CYP4V2: variants seen among roughly 807,000 people sequenced by gnomAD.
CYP4V2 encodes cytochrome P450 family 4 subfamily V member 2, also known as cytochrome P450 4V2.
CYP4V2 carries 55 observed loss-of-function variants against 60.8 expected under a neutral mutation model. The observed-to-expected ratio is 0.90, with a 90% CI of 0.73 to 1.13. CYP4V2 has a LOEUF of 1.13. Ranked by LOEUF, CYP4V2 falls within the 50% of genes most tolerant of loss-of-function variation. The probability of loss-of-function intolerance (pLI) is 0.00; values close to 1 mark genes in which losing one functional copy is unlikely to be tolerated. For synonymous variants in CYP4V2, 239 were observed against 236.8 expected, an observed-to-expected ratio of 1.01 and a Z score of -0.08; for missense variants, 675 against 662.9, an observed-to-expected ratio of 1.02 and a Z score of -0.20.
chr4:186,205,071 A>C, intron 7 of CYP4V2, 129 bp from the exon 8 acceptor site: 2 of 880,304 alleles, frequency 2.3e-6, no homozygotes, highest in Non-Finnish European at 1.9e-6. Flanking sequence ...GCTGCACAGA[A>C]TTCATTTCTT....
Position 186,197,081 on chromosome 4 carries a change from A to T in CYP4V2, c.555A>T (p.Ala185=), listed in dbSNP as rs11932764. The change falls in exon 4 of 11, where the codon GCA becomes GCT. Residue 185 remains alanine (A), a synonymous_variant. Transcript: ENST00000378802. ...TTGAAAAACACATTAACCAAGAAGC[A>T]TTTAACTGCTTTTTTTACATCACTC... ...KKLEKHINQE[A]FNCFFYITLC... The T allele has an allele frequency of 8.5e-3, 13,696 of 1,613,896 alleles. 881 individuals carry two copies. The African/African-American group carries it at 0.15, about 18-fold the overall frequency.
rs1484655576 is a variant in CYP4V2, at chr4:186,212,665, T to C, written c.*2024T>C. ...GAAGGACCTTAGAACTTATCTGTTATGCTCCTGATAGCCAATAGCAGATAG... is the reference window on the plus strand; with the variant it reads ...GAAGGACCTTAGAACTTATCTGTTACGCTCCTGATAGCCAATAGCAGATAG... On this transcript the variant is annotated 3_prime_UTR_variant, in exon 11 of 11. Coordinates refer to ENST00000378802, the MANE Select transcript of CYP4V2 (RefSeq NM_207352.4). 1 of 152,250 alleles carries C rather than the reference T, an allele frequency of 6.6e-6. No individual in the cohort carries two copies. The highest frequency in any genetic ancestry group is 2.4e-5 in the African/African-American group (1 of 41,454). The allele number at this position is 152,250 out of a possible 1,614,324, so 9.4% of individuals were successfully genotyped here.
In CYP4V2 at chr4:186,201,306, A is replaced by C. The variant is rs144129557; in HGVS notation, c.951A>C (p.Glu317Asp). ...TDDEGNRLSH[E>D]DIREEVDTFM... is the part of the protein sequence containing the mutation. Reference sequence around the variant, plus strand: ...ACGAAGGGAACAGGCTAAGTCATGAAGATATTCGAGAAGAAGTTGACACCT... The same window carrying C: ...ACGAAGGGAACAGGCTAAGTCATGACGATATTCGAGAAGAAGTTGACACCT... Residue 317 changes from glutamate to aspartate, a missense_variant, in exon 7 of 11, where the codon GAA becomes GAC. Coordinates refer to ENST00000378802, the MANE Select transcript of CYP4V2 (RefSeq NM_207352.4). 174 of 1,614,218 alleles carry C rather than the reference A, an allele frequency of 1.1e-4. No individual in the cohort carries two copies. In the African/African-American group the frequency reaches 2.0e-3, roughly 19 times the overall value.
rs1736674554 is a variant in CYP4V2 at position 186,210,451 on chromosome 4, A to G, written c.1406-18A>G. 2 of 1,613,998 alleles carry G rather than the reference A, an allele frequency of 1.2e-6. No homozygotes were observed. Among genetic ancestry groups the G allele is most frequent in the African/African-American group, 2.7e-5 (2 of 74,936 alleles). ...GTAAATCTATAACTAAAGCGATGGT[A>G]TCTACATTAATTTGAAGGTCAAAAG... is the stretch of plus-strand genomic sequence containing the variant. On this transcript the variant is annotated intron_variant, in intron 10 of 10. Transcript: ENST00000378802.
chr4:186,210,458 T>C lies in CYP4V2; in HGVS notation c.1406-11T>C, dbSNP rs1736675133. On this transcript the variant is annotated splice_polypyrimidine_tract_variant and intron_variant, in intron 10 of 10. Coordinates refer to ENST00000378802, the MANE Select transcript of CYP4V2 (RefSeq NM_207352.4). Reference sequence around the variant, plus strand: ...TATAACTAAAGCGATGGTATCTACATTAATTTGAAGGTCAAAAGTTTGCTG... The same window carrying C: ...TATAACTAAAGCGATGGTATCTACACTAATTTGAAGGTCAAAAGTTTGCTG... 1 of 1,614,166 alleles carries C rather than the reference T, an allele frequency of 6.2e-7. No homozygotes were observed. Among genetic ancestry groups the C allele is most frequent in the Non-Finnish European group, 8.5e-7 (1 of 1,180,012 alleles).
At chr4:186,198,146 G>A (rs926950170) in intron 5 of CYP4V2, among the ~76,000 whole-genome samples, 12 of 152,200 alleles carry the variant, frequency 7.9e-5, no homozygotes, top group Non-Finnish European at 1.6e-4. Flanking sequence ...AGGACTTGAT[G>A]AAGTACAGAG....
At chr4:186,210,128 AAACGGG>A (rs1736659173) in intron 10 of CYP4V2, among the ~76,000 whole-genome samples, 1 of 152,242 alleles carries the variant, frequency 6.6e-6, no homozygotes, top group South Asian at 2.1e-4. Flanking sequence ...GGCCAGAGTG[AAACGGG>A]TGAATCTGAA....
intron 1 of CYP4V2, among the ~76,000 whole-genome samples, chr4:186,194,289 C>T (rs1422152806): frequency 1.3e-5 from 2 of 152,148 alleles, no homozygotes; most frequent in African/African-American, 4.8e-5. Context: ...TGTTTATTTG[C>T]TGTGGCAAAT....
At chr4:186,207,665 C>G (rs6857083) in intron 8 of CYP4V2, among the ~76,000 whole-genome samples, 1 of 150,000 alleles carries the variant, frequency 6.7e-6, no homozygotes, top group Non-Finnish European at 1.5e-5. Flanking sequence ...ATAAAATCTA[C>G]CATTTTAAAA....
At chr4:186,197,634 T>C (rs1736192596) in intron 5 of CYP4V2, 32 bp downstream of exon 5, 1 of 1,603,874 alleles carries the variant, frequency 6.2e-7, no homozygotes, top group Non-Finnish European at 8.5e-7. Flanking sequence ...ATTTTAACAA[T>C]TATTATTGAT....
In CYP4V2 at chr4:186,195,366, T is replaced by C. The variant is rs953145397; in HGVS notation, c.328-637T>C. Among the ~76,000 whole-genome samples, 6 of 152,224 alleles carry C rather than the reference T, an allele frequency of 3.9e-5. No individual in the cohort carries two copies. The highest frequency in any genetic ancestry group is 1.4e-4 in the African/African-American group (6 of 41,454). On this transcript the variant is annotated intron_variant, in intron 2 of 10. Coordinates refer to ENST00000378802, the MANE Select transcript of CYP4V2 (RefSeq NM_207352.4). The surrounding 1 kb of genome is among the most constrained non-coding windows in gnomAD (Gnocchi z 4.1). ...TCTGCCGCTGTTGGCCTAGTGTTAA[T>C]AGAAGTTGGTGTGGTGGATGCAGAT... is the stretch of plus-strand genomic sequence containing the variant.
chr4:186,191,859 G>T lies in CYP4V2; in HGVS notation c.36G>T (p.Lys12Asn). Residue 12 changes from lysine (K) to asparagine (N), a missense_variant, in exon 1 of 11, where the codon AAG (lysine) becomes AAT (asparagine). Lys to Asn is a moderately conservative substitution (Grantham distance 94). Coordinates refer to ENST00000378802, the MANE Select transcript of CYP4V2 (RefSeq NM_207352.4). ...AGLWLGLVWQ[K>N]LLLWGAASAL... ...TCTGGCTGGGGCTCGTGTGGCAGAA[G>T]CTGCTGCTGTGGGGCGCGGCGAGTG... 1 of 1,582,756 alleles carries T rather than the reference G, an allele frequency of 6.3e-7. No homozygotes were observed. Among genetic ancestry groups the T allele is most frequent in the Non-Finnish European group, 8.5e-7 (1 of 1,169,964 alleles).
Position 186,196,016 on chromosome 4 carries a change from G to T in CYP4V2, c.341G>T (p.Ser114Ile). 1 of 1,613,566 alleles carries T rather than the reference G, an allele frequency of 6.2e-7. No homozygotes were observed. The highest frequency in any genetic ancestry group is 1.3e-5 in the African/African-American group (1 of 75,052). Residue 114 changes from serine to isoleucine, a missense_variant, in exon 3 of 11, where the codon AGT becomes ATT. Ser to Ile is a moderately radical substitution (Grantham distance 142). Coordinates refer to ENST00000378802, the MANE Select transcript of CYP4V2 (RefSeq NM_207352.4). ...NAENVEVILT[S>I]SKQIDKSSMY... ...TCTCTTCCTAAGGTAATTTTAACTA[G>T]TTCAAAGCAAATTGACAAATCCTCT... is the stretch of plus-strand genomic sequence containing the variant.
At position 186,196,794 on chromosome 4, in the gene CYP4V2, G is replaced by C. The variant is rs1455773586; in HGVS notation, c.414-146G>C. The C allele has an allele frequency of 4.2e-6, 3 of 711,684 alleles. No homozygotes were observed. The African/African-American group carries it at 5.4e-5, about 13-fold the overall frequency. 44.1% of individuals were successfully genotyped at this position (711,684 alleles called of 1,614,324 possible). A position where few individuals can be genotyped will look rare whatever the true frequency, so the allele number is the denominator to read the frequency against. On this transcript the variant is annotated intron_variant, in intron 3 of 10. Transcript: ENST00000378802. The stretch of plus-strand genomic sequence containing the variant: ...GTATATCTTTGTCATTCTGCCAAAA[G>C]CATTTGAGAACCTGTAGATGAAGCT...
At chr4:186,194,449 G>A in intron 1 of CYP4V2, 51 bp from the exon 2 acceptor site, 2 of 1,481,656 alleles carry the variant, frequency 1.3e-6, no homozygotes, top group Non-Finnish European at 1.9e-6. Flanking sequence ...TCCAATACTG[G>A]TCACAACTTT....
At chr4:186,199,230 T>C (rs1270321214) in intron 6 of CYP4V2, 147 bp downstream of exon 6, 1 of 854,020 alleles carries the variant, frequency 1.2e-6, no homozygotes, top group Non-Finnish European at 1.9e-6. Context: ...GAACTTTTGG[T>C]AAGTCCATGA....
intron 10 of CYP4V2, among the ~76,000 whole-genome samples, chr4:186,209,615 T>C (rs1328099087): frequency 1.3e-5 from 2 of 152,192 alleles, no homozygotes. Flanking sequence ...GGCTTGTAGA[T>C]GCCATTTTCT....
chr4:186,209,157 G>A lies in CYP4V2; in HGVS notation c.1290G>A (p.Pro430=), dbSNP rs113521707. Residue 430 remains proline, a synonymous_variant, in exon 10 of 11, where the codon CCG becomes CCA. Transcript: ENST00000378802. ...VIIPYALHRD[P]RYFPNPEEFQ... is the part of the protein sequence containing the mutation. ...TTCCCTATGCATTGCACAGAGATCC[G>A]AGATACTTCCCCAACCCCGAGGAGT... The A allele has an allele frequency of 2.0e-5, 33 of 1,613,918 alleles. 1 individual carries two copies. The highest frequency in any genetic ancestry group is 3.3e-5 in the South Asian group (3 of 91,072).
At chr4:186,201,505 C>T (rs1004688409) in intron 7 of CYP4V2, 163 bp downstream of exon 7, 9 of 811,270 alleles carry the variant, frequency 1.1e-5, no homozygotes, top group African/African-American at 1.7e-5. Flanking sequence ...TGATTAAGTA[C>T]CAGCTCAACT....
Sources: allele counts gnomAD v4.1 joint callset (sites outside exome capture counted in the v4.1 genomes callset), GRCh38; gene constraint gnomAD v4.1.1; non-coding constraint Gnocchi (gnomAD v3.1); transcripts MANE v1.5; gene names NCBI Gene and HGNC (gene_info 2026-07-23, HGNC 2026-07-21).